KCNT1: variants seen among roughly 807,000 people sequenced by gnomAD.
The protein encoded by KCNT1 is potassium sodium-activated channel subfamily T member 1, also known as potassium channel subfamily T member 1.
In KCNT1, 78 loss-of-function variants were observed where a neutral mutation model predicts 147.8. The ratio of observed to expected loss-of-function variants is 0.53; its 90% CI spans 0.44 to 0.64. The LOEUF is 0.64. Ranked by LOEUF, KCNT1 falls within the 30% of genes least tolerant of loss-of-function variation. The pLI, the probability that KCNT1 is intolerant of heterozygous loss-of-function variation, is 0.00. For missense variants in KCNT1, 1,419 were observed against 1,750.3 expected (o/e 0.81, Z 3.38); for synonymous variants, 867 against 748.8 (o/e 1.16, Z -2.58).
chr9:135,756,247 A>G (rs1588320238), intron 6 of KCNT1, among the ~76,000 whole-genome samples: 1 of 151,808 alleles, frequency 6.6e-6, no homozygotes, highest in African/African-American at 2.4e-5. Flanking sequence ...TCTCCACACA[A>G]TTTTCCCAGG....
At chr9:135,787,638 A>G (rs1450395807) in intron 29 of KCNT1, among the ~76,000 whole-genome samples, 1 of 152,160 alleles carries the variant, frequency 6.6e-6, no homozygotes, top group Non-Finnish European at 1.5e-5. Flanking sequence ...AAGGAGACTC[A>G]GAGGCCAGGG....
intron 15 of KCNT1, among the ~76,000 whole-genome samples, chr9:135,769,665 T>G (rs762738676): frequency 6.6e-6 from 1 of 151,920 alleles, no homozygotes; most frequent in Non-Finnish European, 1.5e-5. Context: ...AGGGCCCACA[T>G]GGAGTGCCCA....
intron 24 of KCNT1, among the ~76,000 whole-genome samples, chr9:135,780,608 G>A (rs1449694907): frequency 1.3e-5 from 2 of 152,210 alleles, no homozygotes; most frequent in African/African-American, 2.4e-5. Flanking sequence ...CCAGCCTGAG[G>A]CGTAGGGGGA....
intron 2 of KCNT1, among the ~76,000 whole-genome samples, chr9:135,731,991 T>TATATATATATATAGAG (rs1276318460): frequency 1.8e-4 from 4 of 21,712 alleles, no homozygotes; most frequent in South Asian, 2.2e-3. Context: ...TATATATATA[T>TATATATATATATAGAG]AGAGAGAGAG....
At chr9:135,708,001 G>A (rs1009531967) in intron 1 of KCNT1, among the ~76,000 whole-genome samples, 31 of 152,332 alleles carry the variant, frequency 2.0e-4, no homozygotes, top group African/African-American at 7.2e-4. Context: ...AGCTGCCTGG[G>A]CATCTCGAGC....
intron 2 of KCNT1, among the ~76,000 whole-genome samples, chr9:135,718,764 C>A (rs556282110): frequency 1.3e-5 from 2 of 152,284 alleles, no homozygotes; most frequent in East Asian, 3.9e-4. Context: ...AGCAGGTGGG[C>A]GGGCAGGACT....
intron 2 of KCNT1, among the ~76,000 whole-genome samples, chr9:135,745,425 C>T (rs950398047): frequency 6.6e-6 from 1 of 152,200 alleles, no homozygotes; most frequent in South Asian, 2.1e-4. Context: ...CCCGGGGTCC[C>T]GCCTCTGCCC....
intron 2 of KCNT1, among the ~76,000 whole-genome samples, chr9:135,734,699 C>T (rs540037868): frequency 4.9e-4 from 75 of 152,290 alleles, no homozygotes; most frequent in Admixed American, 1.8e-3. Context: ...ATGGAGCAGC[C>T]GCCCCGGGTG....
At chr9:135,716,973 G>A (rs1835742687) in intron 2 of KCNT1, among the ~76,000 whole-genome samples, 1 of 152,226 alleles carries the variant, frequency 6.6e-6, no homozygotes. Context: ...TTTCTCATGT[G>A]TGAAGGATGG....
intron 2 of KCNT1, among the ~76,000 whole-genome samples, chr9:135,716,634 T>A (rs1219582571): frequency 6.6e-6 from 1 of 152,154 alleles, no homozygotes; most frequent in African/African-American, 2.4e-5. Context: ...AGCTACCGAT[T>A]TGCATTCTAG....
intron 19 of KCNT1, among the ~76,000 whole-genome samples, chr9:135,774,527 GCTGTGTGT>G (rs1023982495): frequency 9.3e-5 from 14 of 150,196 alleles, no homozygotes; most frequent in African/African-American, 3.4e-4. Context: ...GTCTGTGTGT[GCTGTGTGT>G]CTGTGTAGTG....
intron 28 of KCNT1, 96 bp from the exon 29 acceptor site, chr9:135,786,101 C>A: frequency 8.8e-7 from 1 of 1,142,854 alleles, no homozygotes; most frequent in Non-Finnish European, 1.2e-6. Context: ...CCCCAAGCTG[C>A]AGAGCCCACA....
rs544183826 is a variant in KCNT1, at chr9:135,760,262, G to C, written c.1035+403G>C. ...GCACACCCCCCCGGCCACCCCAGTGGCTTCCCCGTCACCACTGCTGTGGCC... is the reference window on the plus strand; with the variant it reads ...GCACACCCCCCCGGCCACCCCAGTGCCTTCCCCGTCACCACTGCTGTGGCC... On this transcript the variant is annotated intron_variant, in intron 11 of 30. Coordinates refer to ENST00000371757, the MANE Select transcript of KCNT1 (RefSeq NM_020822.3). Among the ~76,000 whole-genome samples, 15 of 152,328 alleles carry C rather than the reference G, an allele frequency of 9.8e-5. No individual in the cohort carries two copies. The East Asian group carries it at 2.7e-3, about 28-fold the overall frequency.
At chr9:135,750,245 C>G in intron 3 of KCNT1, 68 bp downstream of exon 3, 1 of 1,261,386 alleles carries the variant, frequency 7.9e-7, no homozygotes, top group Non-Finnish European at 1.1e-6. Flanking sequence ...GCAAGCCTGG[C>G]GATGGCGAAG....
rs1834221285 is a variant in KCNT1 at position 135,788,225 on chromosome 9, G to A, written c.3502+1704G>A. 5.1e-6 allele frequency: 7 copies of A among 1,383,454 alleles called. No individual in the cohort carries two copies. In the Admixed American group the frequency reaches 1.2e-4, roughly 23 times the overall value. The allele number at this position is 1,383,454 out of a possible 1,614,324, so 85.7% of individuals were successfully genotyped here. ...GGGGCTCGCCAACCCTTCACCGCCG[G>A]CAGCCTTGCTGCGCCATCCCGGCCA... On this transcript the variant is annotated intron_variant, in intron 29 of 30. Coordinates refer to ENST00000371757, the MANE Select transcript of KCNT1 (RefSeq NM_020822.3).
At position 135,780,395 on chromosome 9, in the gene KCNT1, C is replaced by T. The variant is rs11103186; in HGVS notation, c.2841+925C>T. Among the ~76,000 whole-genome samples the T allele has an allele frequency of 7.1e-3, 1,078 of 152,298 alleles. 4 individuals are homozygous for T. The highest frequency in any genetic ancestry group is 0.011 in the Non-Finnish European group (756 of 68,010). On this transcript the variant is annotated intron_variant, in intron 24 of 30. Coordinates refer to ENST00000371757, the MANE Select transcript of KCNT1 (RefSeq NM_020822.3). The stretch of plus-strand genomic sequence containing the variant: ...GCCAGGCCCGGCCTGGCCACCAACA[C>T]CAGGCAGAGGACACACACGGGCACT...
intron 2 of KCNT1, among the ~76,000 whole-genome samples, chr9:135,722,709 C>T (rs984751958): frequency 6.6e-6 from 1 of 152,208 alleles, no homozygotes; most frequent in African/African-American, 2.4e-5. Context: ...CAGGCTTGCA[C>T]GTGGCGTCTT....
rs757210594 is a variant in KCNT1, at chr9:135,786,469, C to T, written c.3450C>T (p.Ser1150=). The T allele has an allele frequency of 3.1e-5, 50 of 1,603,306 alleles. 1 individual carries two copies. Among genetic ancestry groups the T allele is most frequent in the East Asian group, 2.7e-4 (12 of 44,534 alleles). Residue 1150 remains serine (S), a synonymous_variant, in exon 29 of 31, where the codon TCC becomes TCT. Coordinates refer to ENST00000371757, the MANE Select transcript of KCNT1 (RefSeq NM_020822.3). The part of the protein sequence containing the change: ...LYRRSERQEL[S]ELVKNRMKHL... ...GGCGCTCTGAGCGCCAGGAGCTCTC[C>T]GAGCTGGTGAAGAACCGCATGAAGC...
chr9:135,725,191 G>A (rs1472054946), intron 2 of KCNT1, among the ~76,000 whole-genome samples: 1 of 152,238 alleles, frequency 6.6e-6, no homozygotes, highest in Admixed American at 6.5e-5. Flanking sequence ...CAGCTGCCGG[G>A]GGGGACCTCA....
Sources: gnomAD v4.1 joint callset for allele counts (sites outside exome capture counted in the v4.1 genomes callset) on GRCh38, gnomAD v4.1.1 for gene constraint, MANE v1.5 for transcripts, NCBI Gene and HGNC (gene_info 2026-07-23, HGNC 2026-07-21) for gene names.